CACHD1: variants seen among roughly 807,000 people sequenced by gnomAD.
CACHD1 encodes VWFA and cache domain-containing protein 1.
In CACHD1, 71 loss-of-function variants were observed where a neutral mutation model predicts 138.7. The ratio of observed to expected loss-of-function variants is 0.51; its 90% CI spans 0.42 to 0.62. CACHD1 has a LOEUF of 0.62. Among genes scored for constraint, CACHD1 ranks in the 20% least tolerant of loss-of-function variants. The pLI is 0.00. For missense variants in CACHD1, 1,389 were observed against 1,625.3 expected, an observed-to-expected ratio of 0.85 and a Z score of 2.50; for synonymous variants, 578 against 591.5, an observed-to-expected ratio of 0.98 and a Z score of 0.33.
chr1:64,489,202 T>C (rs1026235217), intron 1 of CACHD1, among the ~76,000 whole-genome samples: 6 of 152,220 alleles, frequency 3.9e-5, no homozygotes, highest in Non-Finnish European at 8.8e-5. Flanking sequence ...TCTTCCTCTG[T>C]GTGTTTTCTA....
chr1:64,531,495 TTG>T (rs68180558), intron 1 of CACHD1, among the ~76,000 whole-genome samples: 21,236 of 146,652 alleles, frequency 0.14, 1,678 homozygotes, highest in African/African-American at 0.22. Flanking sequence ...ATGAATGTGG[TTG>T]TGTGTGTGTG....
chr1:64,641,470 G>A (rs369767532), intron 7 of CACHD1, among the ~76,000 whole-genome samples: 13 of 152,118 alleles, frequency 8.5e-5, no homozygotes, highest in Non-Finnish European at 1.6e-4. Flanking sequence ...AGGATAAGTC[G>A]CGTTCTGCAT....
At chr1:64,592,163 T>G (rs997685975) in intron 3 of CACHD1, among the ~76,000 whole-genome samples, 22 of 152,262 alleles carry the variant, frequency 1.4e-4, no homozygotes, top group African/African-American at 5.3e-4. Context: ...GAAACATGTT[T>G]GATATTGATT....
intron 4 of CACHD1, among the ~76,000 whole-genome samples, chr1:64,607,965 G>A (rs1394218466): frequency 6.6e-6 from 1 of 152,168 alleles, no homozygotes; most frequent in Non-Finnish European, 1.5e-5. Flanking sequence ...ATGTATTTCA[G>A]TGTTTATTTG....
intron 4 of CACHD1, among the ~76,000 whole-genome samples, chr1:64,608,363 A>G (rs1292732980): frequency 6.6e-6 from 1 of 152,162 alleles, no homozygotes; most frequent in Non-Finnish European, 1.5e-5. Context: ...TTTTCAGAGC[A>G]GAATTAATGT....
At position 64,664,478 on chromosome 1, in the gene CACHD1, T is replaced by G. The variant is rs756774347; in HGVS notation, c.2095-20T>G. On this transcript the variant is annotated intron_variant, in intron 14 of 26. Coordinates refer to ENST00000651257, the MANE Select transcript of CACHD1 (RefSeq NM_020925.4). ...TGTGAGTTTTAAAGGATCCCTGCTATGTCTTCCTTTGTTTCCCAGTTCTCT... is the reference window on the plus strand; with the variant it reads ...TGTGAGTTTTAAAGGATCCCTGCTAGGTCTTCCTTTGTTTCCCAGTTCTCT... 6.2e-7 allele frequency: 1 copy of G among 1,612,304 alleles called. No individual in the cohort carries two copies. The highest frequency in any genetic ancestry group is 8.5e-7 in the Non-Finnish European group (1 of 1,178,442).
At chr1:64,593,645 C>G (rs1226995227) in intron 3 of CACHD1, among the ~76,000 whole-genome samples, 1 of 152,174 alleles carries the variant, frequency 6.6e-6, no homozygotes, top group Non-Finnish European at 1.5e-5. Flanking sequence ...GTCATTTTCA[C>G]TGCCTTATCT....
intron 4 of CACHD1, among the ~76,000 whole-genome samples, chr1:64,622,264 T>C (rs1445690372): frequency 1.3e-5 from 2 of 152,196 alleles, no homozygotes; most frequent in Non-Finnish European, 2.9e-5. Context: ...TGCTATTTAG[T>C]GTTTAAGGTT....
intron 16 of CACHD1, among the ~76,000 whole-genome samples, chr1:64,670,861 TA>T (rs1333992005): frequency 6.6e-6 from 1 of 152,130 alleles, no homozygotes; most frequent in Non-Finnish European, 1.5e-5. Flanking sequence ...GCCACATATA[TA>T]GAAAGCAACA....
At chr1:64,524,353 T>A (rs534084578) in intron 1 of CACHD1, among the ~76,000 whole-genome samples, 1 of 152,340 alleles carries the variant, frequency 6.6e-6, no homozygotes, top group South Asian at 2.1e-4. Context: ...GGACAATTTT[T>A]CATCTTTTTC....
At chr1:64,578,625 C>T (rs1250538898) in intron 2 of CACHD1, among the ~76,000 whole-genome samples, 1 of 152,170 alleles carries the variant, frequency 6.6e-6, no homozygotes, top group Non-Finnish European at 1.5e-5. Flanking sequence ...CAAGGGGCTA[C>T]TCTGGGGGCT....
At chr1:64,499,889 G>A (rs948309252) in intron 1 of CACHD1, among the ~76,000 whole-genome samples, 11 of 152,170 alleles carry the variant, frequency 7.2e-5, no homozygotes, top group African/African-American at 2.7e-4. Flanking sequence ...TTAAACATAT[G>A]ATTCTGGGAG....
At chr1:64,546,595 A>G (rs2100443696) in intron 1 of CACHD1, among the ~76,000 whole-genome samples, 1 of 152,190 alleles carries the variant, frequency 6.6e-6, no homozygotes, top group Non-Finnish European at 1.5e-5. Context: ...TCAGCCCCCC[A>G]AAATTCTGGG....
chr1:64,575,440 T>A lies in CACHD1; in HGVS notation c.262-6716T>A, dbSNP rs115920715. Among the ~76,000 whole-genome samples the A allele has an allele frequency of 7.2e-3, 1,094 of 152,350 alleles. 13 individuals are homozygous for A. The highest frequency in any genetic ancestry group is 0.025 in the African/African-American group (1,032 of 41,576). ...GTGTGAGGTTCAGAGATGTTAAATA[T>A]TTGTGCTTAAAATTATTTTTATGTC... On this transcript the variant is annotated intron_variant, in intron 2 of 26. Coordinates refer to ENST00000651257, the MANE Select transcript of CACHD1 (RefSeq NM_020925.4).
intron 2 of CACHD1, among the ~76,000 whole-genome samples, chr1:64,580,998 T>C (rs1333853077): frequency 1.3e-5 from 2 of 152,192 alleles, no homozygotes; most frequent in Non-Finnish European, 2.9e-5. Context: ...AACTCCTCCT[T>C]TGAAAATGAT....
intron 3 of CACHD1, among the ~76,000 whole-genome samples, chr1:64,593,040 G>GA (rs1413838966): frequency 4.6e-5 from 7 of 152,174 alleles, no homozygotes; most frequent in Non-Finnish European, 8.8e-5. Context: ...ACTAAAGGGT[G>GA]AAAAGAGGAG....
chr1:64,523,000 C>T (rs956865006), intron 1 of CACHD1, among the ~76,000 whole-genome samples: 2 of 152,298 alleles, frequency 1.3e-5, no homozygotes, highest in African/African-American at 4.8e-5. Context: ...AGTTTTAAAA[C>T]AAAAGCATAA....
chr1:64,606,402 G>T (rs1250703200), intron 4 of CACHD1, among the ~76,000 whole-genome samples: 1 of 152,154 alleles, frequency 6.6e-6, no homozygotes, highest in Non-Finnish European at 1.5e-5. Context: ...TGACTGTTTG[G>T]TGTGCTTGGA....
intron 21 of CACHD1, 104 bp from the exon 22 acceptor site, chr1:64,676,791 C>A: frequency 1.2e-6 from 1 of 823,606 alleles, no homozygotes. Context: ...GTGGCAAAGC[C>A]AGGATTCAAA....
Sources: allele counts gnomAD v4.1 joint callset (sites outside exome capture counted in the v4.1 genomes callset), GRCh38; gene constraint gnomAD v4.1.1; transcripts MANE v1.5; gene names NCBI Gene and HGNC (gene_info 2026-07-23, HGNC 2026-07-21).